PDE4D: variants seen among roughly 807,000 people sequenced by gnomAD.
PDE4D encodes 3',5'-cyclic-AMP phosphodiesterase 4D.
A neutral mutation model predicts 87.4 loss-of-function variants in PDE4D; 24 were observed. The observed-to-expected ratio is 0.27, with a 90% CI of 0.20 to 0.39. The LOEUF is 0.39. Among genes scored for constraint, PDE4D ranks in the 10% least tolerant of loss-of-function variants. The pLI is 1.00. For missense variants in PDE4D, 714 were observed against 1,041.0 expected (o/e 0.69, Z 4.32); for synonymous variants, 384 against 383.2 (o/e 1.00, Z -0.02).
chr5:60,138,761 T>C (rs1206023096), intron 2 of PDE4D, among the ~76,000 whole-genome samples: 1 of 152,092 alleles, frequency 6.6e-6, no homozygotes, highest in African/African-American at 2.4e-5. Flanking sequence ...AAAGCCACAG[T>C]CATTAATATC....
intron 2 of PDE4D, among the ~76,000 whole-genome samples, chr5:60,142,028 T>C (rs773821532): frequency 6.6e-6 from 1 of 152,128 alleles, no homozygotes; most frequent in Non-Finnish European, 1.5e-5. Context: ...GTACAGCAAG[T>C]CATGAATTTT....
intron 1 of PDE4D, among the ~76,000 whole-genome samples, chr5:59,597,523 G>C (rs149209457): frequency 4.6e-5 from 7 of 151,918 alleles, no homozygotes; most frequent in Non-Finnish European, 7.4e-5. Flanking sequence ...GTGAGAGAGA[G>C]AGAAAGAGAG....
intron 6 of PDE4D, among the ~76,000 whole-genome samples, chr5:59,025,202 A>T (rs534888098): frequency 6.6e-6 from 1 of 152,286 alleles, no homozygotes; most frequent in African/African-American, 2.4e-5. Flanking sequence ...TCTCTTTATT[A>T]AAAACTGTGA....
intron 2 of PDE4D, among the ~76,000 whole-genome samples, chr5:60,019,171 A>T (rs1765800404): frequency 6.6e-6 from 1 of 152,224 alleles, no homozygotes; most frequent in South Asian, 2.1e-4. Flanking sequence ...CTCAAGATTA[A>T]GAAACTCATT....
intron 1 of PDE4D, among the ~76,000 whole-genome samples, chr5:60,384,165 G>C (rs1262466176): frequency 1.3e-5 from 2 of 152,122 alleles, no homozygotes; most frequent in African/African-American, 4.8e-5. Context: ...ACAGCAACTA[G>C]CTTAAAAGAA....
intron 1 of PDE4D, among the ~76,000 whole-genome samples, chr5:60,426,124 C>CG: frequency 6.6e-6 from 1 of 152,178 alleles, no homozygotes; most frequent in Non-Finnish European, 1.5e-5. Context: ...GACAGTGTGG[C>CG]GTTTCCTCAA....
chr5:59,189,299 G>C (rs1484435978), intron 3 of PDE4D, among the ~76,000 whole-genome samples: 1 of 131,830 alleles, frequency 7.6e-6, no homozygotes, highest in Non-Finnish European at 1.5e-5. Context: ...GCCCAGGATG[G>C]AGTGCAATGG....
chr5:59,689,912 T>C (rs546744931), intron 1 of PDE4D, among the ~76,000 whole-genome samples: 21 of 152,176 alleles, frequency 1.4e-4, no homozygotes, highest in South Asian at 6.2e-4. Context: ...TCACAAGCAT[T>C]CCTATACACC....
chr5:59,424,228 C>T (rs1025209501), intron 1 of PDE4D, among the ~76,000 whole-genome samples: 2 of 152,100 alleles, frequency 1.3e-5, no homozygotes, highest in African/African-American at 4.8e-5. Context: ...TGGAGATATA[C>T]ATTCAAGTTA....
chr5:60,301,796 A>G (rs115644556), intron 1 of PDE4D, among the ~76,000 whole-genome samples: 4,923 of 152,176 alleles, frequency 0.032, 104 homozygotes, highest in Admixed American at 0.048. Flanking sequence ...TCAGTATGAT[A>G]TTGGCTGTAG....
intron 2 of PDE4D, among the ~76,000 whole-genome samples, chr5:60,028,616 T>A (rs923433754): frequency 6.6e-6 from 1 of 152,142 alleles, no homozygotes; most frequent in African/African-American, 2.4e-5. Flanking sequence ...TAAAAATGAG[T>A]AAAATCCATG....
At position 59,022,898 on chromosome 5, in the gene PDE4D, G is replaced by A. The variant is rs116992295; in HGVS notation, c.921+15961C>T. Among the ~76,000 whole-genome samples the A allele has an allele frequency of 1.6e-3, 249 of 152,198 alleles. 5 individuals are homozygous for A. In the East Asian group the frequency reaches 0.043, roughly 26 times the overall value. ...TATTTTGAAAATACAACCAGAGGTC[G>A]GGCACAGTGGCTTACGCCTGTAATC... is the stretch of plus-strand genomic sequence containing the variant. On this transcript the variant is annotated intron_variant, in intron 6 of 14. Coordinates refer to ENST00000340635, the MANE Select transcript of PDE4D (RefSeq NM_001104631.2).
rs112187326 is a variant in PDE4D, at chr5:59,072,505, C to T, written c.809-33534G>A. On this transcript the variant is annotated intron_variant, in intron 5 of 14. Transcript: ENST00000340635. Reference sequence around the variant, plus strand: ...ACTCAGTCTTCAACCTGCCTAGGCCCCCCTTGTCTAGGGACGGTTTTACAT... The same window carrying T: ...ACTCAGTCTTCAACCTGCCTAGGCCTCCCTTGTCTAGGGACGGTTTTACAT... 8.2e-3 allele frequency among the ~76,000 whole-genome samples: 1,247 copies of T among 152,272 alleles called. 17 individuals carry two copies. The highest frequency in any genetic ancestry group is 0.029 in the African/African-American group (1,190 of 41,556).
intron 1 of PDE4D, among the ~76,000 whole-genome samples, chr5:59,449,370 C>T (rs1562208974): frequency 6.6e-6 from 1 of 152,156 alleles, no homozygotes; most frequent in Admixed American, 6.5e-5. Flanking sequence ...CCACAGTGCT[C>T]CCTCACATTA....
chr5:59,991,578 T>A (rs1763009878), intron 2 of PDE4D, among the ~76,000 whole-genome samples: 1 of 152,080 alleles, frequency 6.6e-6, no homozygotes, highest in Non-Finnish European at 1.5e-5. Flanking sequence ...TCCATAGGGA[T>A]AAAATCAAAA....
At chr5:59,209,751 T>C (rs868572809) in intron 2 of PDE4D, among the ~76,000 whole-genome samples, 2 of 152,352 alleles carry the variant, frequency 1.3e-5, no homozygotes, top group African/African-American at 4.8e-5. Flanking sequence ...TTGTTGCACA[T>C]TGATTTCTGC....
chr5:59,685,541 T>C (rs534214127), intron 1 of PDE4D, among the ~76,000 whole-genome samples: 1 of 152,330 alleles, frequency 6.6e-6, no homozygotes, highest in African/African-American at 2.4e-5. Context: ...TTTTCCCTGT[T>C]TGAAAGCAGA....
chr5:59,055,915 A>T (rs2153407745), intron 5 of PDE4D, among the ~76,000 whole-genome samples: 1 of 152,358 alleles, frequency 6.6e-6, no homozygotes, highest in Non-Finnish European at 1.5e-5. Flanking sequence ...CTCAACTTCC[A>T]AAGCTTAGTT....
chr5:60,488,377 G>A (rs1749321829), upstream of PDE4D: 2 of 151,744 alleles, frequency 1.3e-5, no homozygotes, highest in South Asian at 4.2e-4. Context: ...TACGGGACCC[G>A]AGCCGTCCCA....
Sources: gnomAD v4.1 joint callset for allele counts (sites outside exome capture counted in the v4.1 genomes callset) on GRCh38, gnomAD v4.1.1 for gene constraint, MANE v1.5 for transcripts, NCBI Gene and HGNC (gene_info 2026-07-23, HGNC 2026-07-21) for gene names.